The following DPP6 variants were observed in gnomAD, a reference collection of about 807,000 sequenced individuals.
DPP6 encodes the protein A-type potassium channel modulatory protein DPP6.
Under a neutral mutation model 122.6 loss-of-function variants are expected in DPP6, and 69 were observed. The observed-to-expected ratio is 0.56, with a 90% CI of 0.46 to 0.69. DPP6 has a LOEUF of 0.69. Among genes scored for constraint, DPP6 ranks in the 30% least tolerant of loss-of-function variants. The pLI is 0.00. For synonymous variants in DPP6, 418 were observed against 433.1 expected, an observed-to-expected ratio of 0.97 and a Z score of 0.43; for missense variants, 928 against 1,116.9, an observed-to-expected ratio of 0.83 and a Z score of 2.41.
At chr7:153,961,604 T>G (rs1231371032) in intron 1 of DPP6, among the ~76,000 whole-genome samples, 2 of 151,776 alleles carry the variant, frequency 1.3e-5, no homozygotes, top group Admixed American at 1.3e-4. Context: ...TCAAGCACAT[T>G]GCACTTATTG....
chr7:153,991,268 A>G (rs887735676), intron 1 of DPP6, among the ~76,000 whole-genome samples: 44 of 152,134 alleles, frequency 2.9e-4, no homozygotes, highest in African/African-American at 9.4e-4. Flanking sequence ...CAAATATTAA[A>G]AAAAAAATAC....
chr7:154,685,894 G>A (rs1348144603), intron 7 of DPP6, among the ~76,000 whole-genome samples: 1 of 152,160 alleles, frequency 6.6e-6, no homozygotes, highest in African/African-American at 2.4e-5. Flanking sequence ...GGTGTTTTAT[G>A]CAATATTACC....
chr7:154,104,006 G>A (rs560440469), intron 1 of DPP6, among the ~76,000 whole-genome samples: 17 of 152,288 alleles, frequency 1.1e-4, no homozygotes, highest in Non-Finnish European at 2.1e-4. Context: ...ACTTCACGTC[G>A]TGAGCATGTG....
In DPP6 at chr7:154,467,747, C is replaced by T. The variant is rs1273603078; in HGVS notation, c.359-7192C>T. Reference sequence around the variant, plus strand: ...ACAGATATAAATTCTTAAGAATCTGCGGATCTTCTATGTATGTCATGGGAA... The same window carrying T: ...ACAGATATAAATTCTTAAGAATCTGTGGATCTTCTATGTATGTCATGGGAA... On this transcript the variant is annotated intron_variant, in intron 2 of 25. Coordinates refer to ENST00000377770, the MANE Select transcript of DPP6 (RefSeq NM_130797.4). Among the ~76,000 whole-genome samples, 5 of 152,250 alleles carry T rather than the reference C, an allele frequency of 3.3e-5. No individual in the cohort carries two copies. The East Asian group carries it at 7.7e-4, about 24-fold the overall frequency.
chr7:154,429,882 T>C (rs1252436214), intron 1 of DPP6, among the ~76,000 whole-genome samples: 1 of 152,202 alleles, frequency 6.6e-6, no homozygotes, highest in Non-Finnish European at 1.5e-5. Flanking sequence ...CTGGGTATTA[T>C]ATTCCAGTCC....
chr7:154,309,498 A>G (rs1431030185), intron 1 of DPP6, among the ~76,000 whole-genome samples: 1 of 152,134 alleles, frequency 6.6e-6, no homozygotes, highest in Middle Eastern at 3.2e-3. Context: ...ATTCTGGGAG[A>G]GGTTAGGTGG....
At chr7:154,553,581 GA>G (rs1416282977) in intron 4 of DPP6, among the ~76,000 whole-genome samples, 1 of 151,980 alleles carries the variant, frequency 6.6e-6, no homozygotes, top group East Asian at 1.9e-4. Context: ...TTAAAACTCA[GA>G]AAAAAGAGGT....
At chr7:154,512,978 G>A (rs1230204295) in intron 3 of DPP6, among the ~76,000 whole-genome samples, 2 of 151,924 alleles carry the variant, frequency 1.3e-5, no homozygotes, top group African/African-American at 2.4e-5. Flanking sequence ...GGTCTGGGAG[G>A]GACTGTGCCT....
At chr7:154,134,472 G>A (rs1795441850) in intron 1 of DPP6, among the ~76,000 whole-genome samples, 1 of 152,098 alleles carries the variant, frequency 6.6e-6, no homozygotes, top group Non-Finnish European at 1.5e-5. Context: ...CTCCCGATGT[G>A]CTCCTTCCTG....
the DPP6 span, among the ~76,000 whole-genome samples, chr7:153,809,223 T>A: frequency 6.6e-6 from 1 of 152,092 alleles, no homozygotes; most frequent in Non-Finnish European, 1.5e-5. Context: ...TCAGGCCCTT[T>A]GCCTATTGTT....
chr7:154,259,333 T>C (rs1035684988), intron 1 of DPP6, among the ~76,000 whole-genome samples: 19 of 152,242 alleles, frequency 1.2e-4, no homozygotes, highest in Non-Finnish European at 2.6e-4. Context: ...GTCCTCCCTC[T>C]ACGGAGCTTA....
chr7:154,539,083 G>A (rs1164507485), intron 3 of DPP6, among the ~76,000 whole-genome samples: 2 of 152,122 alleles, frequency 1.3e-5, no homozygotes, highest in Admixed American at 1.3e-4. Context: ...AATTAATCCA[G>A]TCTGCATAAT....
chr7:154,832,697 GAC>G (rs1370999979), intron 16 of DPP6, among the ~76,000 whole-genome samples: 1 of 152,190 alleles, frequency 6.6e-6, no homozygotes, highest in Non-Finnish European at 1.5e-5. Context: ...CATTTTTGCT[GAC>G]ACAGTCCCAG....
intron 8 of DPP6, among the ~76,000 whole-genome samples, chr7:154,757,964 C>G (rs1191949314): frequency 6.6e-6 from 1 of 152,058 alleles, no homozygotes; most frequent in Non-Finnish European, 1.5e-5. Context: ...AAGTGCCGCG[C>G]TCTCCCCCCC....
At chr7:153,977,403 T>C (rs1351451486) in intron 1 of DPP6, among the ~76,000 whole-genome samples, 2 of 152,242 alleles carry the variant, frequency 1.3e-5, no homozygotes, top group Non-Finnish European at 2.9e-5. Context: ...CAATCAGTAC[T>C]GGGCTTCAGT....
At chr7:154,814,832 A>C (rs1799311378) in intron 16 of DPP6, among the ~76,000 whole-genome samples, 1 of 152,048 alleles carries the variant, frequency 6.6e-6, no homozygotes, top group Non-Finnish European at 1.5e-5. Flanking sequence ...CTTTGCCTTC[A>C]TCTTCATGTG....
chr7:154,878,054 CT>C (rs1805041956), intron 20 of DPP6, among the ~76,000 whole-genome samples: 2 of 152,184 alleles, frequency 1.3e-5, no homozygotes, highest in Admixed American at 1.3e-4. Flanking sequence ...TCCTTTGGGT[CT>C]TTTTCATTTG....
intron 25 of DPP6, chr7:154,889,800 C>G: frequency 4.1e-6 from 2 of 492,370 alleles, no homozygotes; most frequent in East Asian, 4.1e-5. Flanking sequence ...TGCTCCCCTC[C>G]TCCGGGCAGT....
At chr7:154,104,486 C>T (rs1805997446) in intron 1 of DPP6, among the ~76,000 whole-genome samples, 2 of 152,162 alleles carry the variant, frequency 1.3e-5, no homozygotes, top group African/African-American at 4.8e-5. Context: ...AAGGTGTTTT[C>T]ATGATTAACA....
Sources: allele counts gnomAD v4.1 joint callset (sites outside exome capture counted in the v4.1 genomes callset), GRCh38; gene constraint gnomAD v4.1.1; transcripts MANE v1.5; gene names NCBI Gene and HGNC (gene_info 2026-07-23, HGNC 2026-07-21).